The following OSBPL2 variants were observed in gnomAD, a reference collection of about 807,000 sequenced individuals.
OSBPL2 encodes the protein oxysterol-binding protein-related protein 2.
Under a neutral mutation model 58.4 loss-of-function variants are expected in OSBPL2, and 18 were observed. The observed-to-expected ratio is 0.31, with a 90% CI of 0.21 to 0.46. The LOEUF is 0.46. Among genes scored for constraint, OSBPL2 ranks in the 20% least tolerant of loss-of-function variants. OSBPL2 has a pLI of 1.00. For synonymous variants in OSBPL2, 221 were observed against 234.1 expected (o/e 0.94, Z 0.51); for missense variants, 461 against 616.5 (o/e 0.75, Z 2.67).
intron 9 of OSBPL2, among the ~76,000 whole-genome samples, chr20:62,283,119 T>C (rs1019305748): frequency 1.3e-5 from 2 of 152,056 alleles, no homozygotes; most frequent in African/African-American, 4.8e-5. Flanking sequence ...TGACCCTCAG[T>C]GAGTGCATGT....
chr20:62,247,458 G>A (rs529930046), intron 1 of OSBPL2, among the ~76,000 whole-genome samples: 177 of 152,312 alleles, frequency 1.2e-3, no homozygotes, highest in African/African-American at 4.2e-3. Context: ...GCGGGACCGC[G>A]GGGACTGAGG....
chr20:62,280,739 G>A (rs1339441627), intron 7 of OSBPL2, among the ~76,000 whole-genome samples: 14 of 152,224 alleles, frequency 9.2e-5, no homozygotes, highest in African/African-American at 1.2e-4. Context: ...CATTACTGCC[G>A]TGTGTGTTTC....
At chr20:62,293,741 T>A (rs756040840) in intron 13 of OSBPL2, 44 bp from the exon 14 acceptor site, 25 of 1,589,870 alleles carry the variant, frequency 1.6e-5, no homozygotes, top group Non-Finnish European at 2.1e-5. Flanking sequence ...GCGTTTTCCT[T>A]TTGGGCTGAG....
In OSBPL2 at chr20:62,286,275, C is replaced by T. The variant is rs140930449; in HGVS notation, c.997-308C>T. The T allele has an allele frequency of 4.9e-3, 1,053 of 213,394 alleles. 8 individuals are homozygous for T. Among genetic ancestry groups the T allele is most frequent in the Middle Eastern group, 0.025 (13 of 520 alleles). 13.2% of individuals were successfully genotyped at this position (213,394 alleles called of 1,614,324 possible). ...ACCAGCCTGGCTAACATAGTGAAAC[C>T]CCGTCTCTACTAAAAGTACAAACAA... On this transcript the variant is annotated intron_variant, in intron 10 of 13. Transcript: ENST00000313733.
intron 12 of OSBPL2, 122 bp downstream of exon 12, chr20:62,289,452 T>A (rs1983349237): frequency 1.7e-6 from 2 of 1,193,266 alleles, no homozygotes; most frequent in South Asian, 1.5e-5. Flanking sequence ...CCCGTCCCTC[T>A]CCCTAAACAA....
chr20:62,256,215 G>A lies in OSBPL2; in HGVS notation c.31G>A (p.Val11Ile), dbSNP rs368282584. 11 of 1,613,672 alleles carry A rather than the reference G, an allele frequency of 6.8e-6. No homozygotes were observed. Among genetic ancestry groups the A allele is most frequent in the Non-Finnish European group, 8.5e-6 (10 of 1,179,712 alleles). MNGEEEFFDAVTGFDSDNSSG... is the reference protein window; with the variant it reads MNGEEEFFDAITGFDSDNSSG... ...CGGAGAGGAAGAATTCTTTGATGCCGTCACAGGTGAGTCAAAAGAGAACCA... is the reference window on the plus strand; with the variant it reads ...CGGAGAGGAAGAATTCTTTGATGCCATCACAGGTGAGTCAAAAGAGAACCA... The change falls in exon 2 of 14, where the codon GTC becomes ATC. Residue 11 changes from valine to isoleucine, a missense_variant. Around this residue, in one of 5 missense-constraint regions of OSBPL2, gnomAD observed 80 missense variants for 74.8 expected, o/e 1.07. Coordinates refer to ENST00000313733, the MANE Select transcript of OSBPL2 (RefSeq NM_144498.4).
At chr20:62,241,737 G>A (rs1367101060) in intron 1 of OSBPL2, among the ~76,000 whole-genome samples, 1 of 152,226 alleles carries the variant, frequency 6.6e-6, no homozygotes, top group African/African-American at 2.4e-5. Flanking sequence ...TGTCTGATAC[G>A]TTGTGGGTGC....
intron 4 of OSBPL2, among the ~76,000 whole-genome samples, chr20:62,265,378 G>T (rs1981596858): frequency 1.3e-5 from 2 of 152,124 alleles, no homozygotes; most frequent in Non-Finnish European, 2.9e-5. Flanking sequence ...GTTCTTCTAG[G>T]TTGGTTTCCC....
At chr20:62,271,330 C>T (rs1982040670) in intron 4 of OSBPL2, among the ~76,000 whole-genome samples, 1 of 152,166 alleles carries the variant, frequency 6.6e-6, no homozygotes, top group Non-Finnish European at 1.5e-5. Context: ...AGGGGAAAGC[C>T]ACATGGAGCC....
chr20:62,284,354 G>A (rs1276536880), intron 10 of OSBPL2, 185 bp downstream of exon 10: 4 of 623,750 alleles, frequency 6.4e-6, no homozygotes, highest in Non-Finnish European at 8.3e-6. Context: ...CAGTGAGGGG[G>A]TTTATCTGTA....
At chr20:62,286,769 G>A (rs1199114080) in intron 11 of OSBPL2, 58 bp downstream of exon 11, 2 of 1,564,196 alleles carry the variant, frequency 1.3e-6, no homozygotes, top group East Asian at 4.5e-5. Context: ...CCACCTCTGG[G>A]CCCAGCCCCA....
rs1269226927 is a variant in OSBPL2 at position 62,261,488 on chromosome 20, C to A, written c.182+1363C>A. 2.0e-5 allele frequency among the ~76,000 whole-genome samples: 3 copies of A among 152,140 alleles called. No homozygotes were observed. The East Asian group carries it at 5.8e-4, about 29-fold the overall frequency. On this transcript the variant is annotated intron_variant, in intron 3 of 13. Coordinates refer to ENST00000313733, the MANE Select transcript of OSBPL2 (RefSeq NM_144498.4). ...CTCAGGCTCTCCTTCGAGCTGTAGG[C>A]CCACACGCCTGCTTGGTGGGTCCAC...
At chr20:62,281,191 G>A (rs1982759949) in intron 8 of OSBPL2, 26 bp downstream of exon 8, 4 of 1,544,380 alleles carry the variant, frequency 2.6e-6, no homozygotes, top group Non-Finnish European at 3.6e-6. Flanking sequence ...CGTTGGGTGA[G>A]AGCGCGAGGC....
rs1182715259 is a variant in OSBPL2, at chr20:62,260,030, A to G, written c.87A>G (p.Lys29=). The G allele has an allele frequency of 6.2e-7, 1 of 1,613,884 alleles. No homozygotes were observed. Among genetic ancestry groups the G allele is most frequent in the Non-Finnish European group, 8.5e-7 (1 of 1,179,754 alleles). Residue 29 remains lysine (K), a synonymous_variant, in exon 3 of 14, where the codon AAA becomes AAG. Transcript: ENST00000313733. ...GGGAATTTTCAGAGGCAAATCAGAA[A>G]GTCACGGGAATGATTGACTTAGACA... is the stretch of plus-strand genomic sequence containing the variant. The part of the protein sequence containing the change: ...SSGEFSEANQ[K]VTGMIDLDTS...
Position 62,284,063 on chromosome 20 carries a change from T to TG in OSBPL2, c.891dup (p.Ile298AspfsTer18), listed in dbSNP as rs1469019252. The TG allele has an allele frequency of 6.2e-7, 1 of 1,613,592 alleles. No individual in the cohort carries two copies. On this transcript the variant is annotated frameshift_variant, in exon 10 of 14. Transcript: ENST00000313733. LOFTEE classifies it high-confidence loss of function. Reference sequence around the variant, plus strand: ...AATTACAGCAAAAAGAAGCTCTTTATGATCTATGGCAAATGGACGGAATGT... The same window carrying TG: ...AATTACAGCAAAAAGAAGCTCTTTATGGATCTATGGCAAATGGACGGAATGT...
At position 62,275,533 on chromosome 20, in the gene OSBPL2, G is replaced by A. The variant is rs186282691; in HGVS notation, c.491+2127G>A. Among the ~76,000 whole-genome samples, 336 of 151,968 alleles carry A rather than the reference G, an allele frequency of 2.2e-3. 3 individuals are homozygous for A. The highest frequency in any genetic ancestry group is 7.5e-4 in the Non-Finnish European group (51 of 67,984). On this transcript the variant is annotated intron_variant, in intron 6 of 13. Transcript: ENST00000313733. The stretch of plus-strand genomic sequence containing the variant: ...TATGATCACAGCTCACTGTAGCCTC[G>A]ACCTCCTGGGCTCAAGTTATCTTCC...
chr20:62,272,830 A>G (rs1185976547), intron 5 of OSBPL2, among the ~76,000 whole-genome samples: 1 of 152,232 alleles, frequency 6.6e-6, no homozygotes, highest in East Asian at 1.9e-4. Flanking sequence ...CAGGAGCTAG[A>G]GGCTACAGTG....
At chr20:62,263,583 T>G in intron 3 of OSBPL2, 33 bp from the exon 4 acceptor site, 1 of 1,576,228 alleles carries the variant, frequency 6.3e-7, no homozygotes, top group Non-Finnish European at 8.7e-7. Flanking sequence ...CTGTGTTGAA[T>G]TCACCCACAC....
At chr20:62,273,269 A>G in intron 5 of OSBPL2, 40 bp from the exon 6 acceptor site, 3 of 1,535,300 alleles carry the variant, frequency 2.0e-6, no homozygotes, top group Non-Finnish European at 1.8e-6. Context: ...CGCGTTTCCT[A>G]ACTGAAGCTG....
Sources: gnomAD v4.1 joint callset for allele counts (sites outside exome capture counted in the v4.1 genomes callset) on GRCh38, gnomAD v4.1.1 for gene constraint, gnomAD v4.1.1 regional missense constraint, MANE v1.5 for transcripts, NCBI Gene and HGNC (gene_info 2026-07-23, HGNC 2026-07-21) for gene names.